The following CRY2 variants were observed in gnomAD, a reference collection of about 807,000 sequenced individuals.
CRY2 encodes cryptochrome circadian regulator 2, also known as cryptochrome-2.
Under a neutral mutation model 69.5 loss-of-function variants are expected in CRY2, and 31 were observed. The observed-to-expected ratio is 0.45, with a 90% CI of 0.34 to 0.60. The LOEUF is 0.60. Among genes scored for constraint, CRY2 ranks in the 20% least tolerant of loss-of-function variants. The probability of loss-of-function intolerance (pLI) is 0.02; values close to 1 mark genes in which losing one functional copy is unlikely to be tolerated. For synonymous variants in CRY2, 303 were observed against 312.2 expected (o/e 0.97, Z 0.31); for missense variants, 606 against 797.8 (o/e 0.76, Z 2.90).
At position 45,882,643 on chromosome 11, in the gene CRY2, G is replaced by T. The variant is rs985942132; in HGVS notation, c.*1732G>T. ...CGTGGGAGGGGAGCAGGGCACAGGGGATGGTGTGCATTCAGAGCATTGGGT... is the reference window on the plus strand; with the variant it reads ...CGTGGGAGGGGAGCAGGGCACAGGGTATGGTGTGCATTCAGAGCATTGGGT... On this transcript the variant is annotated 3_prime_UTR_variant, in exon 12 of 12. Transcript: ENST00000616080. 6.3e-5 allele frequency: 25 copies of T among 399,004 alleles called. No individual in the cohort carries two copies. The highest frequency in any genetic ancestry group is 9.3e-5 in the Non-Finnish European group (21 of 226,138). The allele number at this position is 399,004 out of a possible 1,614,324, so 24.7% of individuals were successfully genotyped here. A position where few individuals can be genotyped will look rare whatever the true frequency, so the allele number is the denominator to read the frequency against.
At chr11:45,877,325 T>C (rs1224869733) in intron 11 of CRY2, among the ~76,000 whole-genome samples, 1 of 152,326 alleles carries the variant, frequency 6.6e-6, no homozygotes, top group Non-Finnish European at 1.5e-5. Context: ...GAGGGAAACA[T>C]TGAGACTCGG....
At chr11:45,855,147 G>A (rs1024915798) in intron 1 of CRY2, among the ~76,000 whole-genome samples, 2 of 152,084 alleles carry the variant, frequency 1.3e-5, no homozygotes, top group African/African-American at 2.4e-5. Context: ...TTGCCTAGCT[G>A]CGGTCTTCCC....
chr11:45,874,328 G>A (rs976196741), intron 11 of CRY2, among the ~76,000 whole-genome samples: 1 of 152,056 alleles, frequency 6.6e-6, no homozygotes, highest in Non-Finnish European at 1.5e-5. Context: ...AAATGTGGGG[G>A]TCTATTAATA....
In CRY2 at chr11:45,868,082, G is replaced by A. The variant is rs2086345738; in HGVS notation, c.882+330G>A. ...AGGGGCGAGGTCCCCAGGGTGAGAG[G>A]CATGGAGAGGGTGAGGCTGGAGCCA... On this transcript the variant is annotated intron_variant, in intron 6 of 11. Coordinates refer to ENST00000616080, the MANE Select transcript of CRY2 (RefSeq NM_021117.5). 1.3e-5 allele frequency: 4 copies of A among 298,948 alleles called. No individual in the cohort carries two copies. In the South Asian group the frequency reaches 2.5e-4, roughly 19 times the overall value. 18.5% of individuals were successfully genotyped at this position (298,948 alleles called of 1,614,324 possible). A position where few individuals can be genotyped will look rare whatever the true frequency, so the allele number is the denominator to read the frequency against.
chr11:45,869,442 C>T, intron 6 of CRY2, 64 bp from the exon 7 acceptor site: 1 of 1,518,068 alleles, frequency 6.6e-7, no homozygotes, highest in Non-Finnish European at 8.9e-7. Flanking sequence ...TAGAAGAGAC[C>T]TGAGAGGCAC....
Position 45,857,164 on chromosome 11 carries a change from A to C in CRY2, c.324+1074A>C, listed in dbSNP as rs575468229. Among the ~76,000 whole-genome samples, 4 of 152,330 alleles carry C rather than the reference A, an allele frequency of 2.6e-5. No individual in the cohort carries two copies. The East Asian group carries it at 7.7e-4, about 29-fold the overall frequency. On this transcript the variant is annotated intron_variant, in intron 2 of 11. Coordinates refer to ENST00000616080, the MANE Select transcript of CRY2 (RefSeq NM_021117.5). ...CACACATAATTGTGCATACATGTACAAATCACACAGTGCTAGTAATTGCCC... is the reference window on the plus strand; with the variant it reads ...CACACATAATTGTGCATACATGTACCAATCACACAGTGCTAGTAATTGCCC...
In CRY2 at chr11:45,867,656, C is replaced by T. The variant is rs868023027; in HGVS notation, c.786C>T (p.Ser262=). ...NYERPRMNAN[S]LLASPTGLSP... ...AGAGACCCCGAATGAACGCCAACTC[C>T]CTCCTGGCCAGCCCCACAGGCCTCA... is the stretch of plus-strand genomic sequence containing the variant. Residue 262 remains serine, a synonymous_variant, in exon 6 of 12, where the codon TCC becomes TCT. Coordinates refer to ENST00000616080, the MANE Select transcript of CRY2 (RefSeq NM_021117.5). 3 of 1,614,220 alleles carry T rather than the reference C, an allele frequency of 1.9e-6. No individual in the cohort carries two copies. The highest frequency in any genetic ancestry group is 2.5e-6 in the Non-Finnish European group (3 of 1,180,036).
At chr11:45,864,817 G>A (rs1434471333) in intron 5 of CRY2, among the ~76,000 whole-genome samples, 3 of 152,192 alleles carry the variant, frequency 2.0e-5, no homozygotes, top group Admixed American at 6.5e-5. Context: ...GCAGTGAGAC[G>A]AGATCATGCC....
chr11:45,847,808 C>T, intron 1 of CRY2, 103 bp downstream of exon 1: 1 of 1,387,296 alleles, frequency 7.2e-7, no homozygotes, highest in Non-Finnish European at 9.6e-7. Context: ...GGCTGGAAGG[C>T]CAGAGGGGAG....
chr11:45,852,672 A>T (rs956550840), intron 1 of CRY2, among the ~76,000 whole-genome samples: 1 of 152,166 alleles, frequency 6.6e-6, no homozygotes, highest in African/African-American at 2.4e-5. Flanking sequence ...GCCAAAGGGG[A>T]GGCAGAAATA....
chr11:45,847,775 C>T, intron 1 of CRY2, 70 bp downstream of exon 1: 1 of 1,466,528 alleles, frequency 6.8e-7, no homozygotes, highest in Non-Finnish European at 9.1e-7. Flanking sequence ...CGGCGAACAG[C>T]ACGATCCCCC....
intron 11 of CRY2, among the ~76,000 whole-genome samples, chr11:45,875,176 G>C (rs1358069542): frequency 6.6e-6 from 1 of 152,208 alleles, no homozygotes; most frequent in African/African-American, 2.4e-5. Context: ...TGTGGATACT[G>C]GTAGACAGCT....
intron 6 of CRY2, among the ~76,000 whole-genome samples, chr11:45,868,419 C>T (rs1352336957): frequency 6.6e-6 from 1 of 152,186 alleles, no homozygotes; most frequent in Non-Finnish European, 1.5e-5. Context: ...CTGATCACAG[C>T]TCACTGAAAC....
chr11:45,853,340 G>A (rs550403456), intron 1 of CRY2, among the ~76,000 whole-genome samples: 1 of 152,174 alleles, frequency 6.6e-6, no homozygotes, highest in Admixed American at 6.5e-5. Context: ...GTTCAGAGTT[G>A]GGCCTTCTAC....
At chr11:45,861,534 CG>C (rs1456129632) in intron 4 of CRY2, 1 of 166,508 alleles carries the variant, frequency 6.0e-6, no homozygotes, top group African/African-American at 2.4e-5. Context: ...CTCCACCTCC[CG>C]GGTTCAAGCA....
At chr11:45,873,322 G>A (rs1187254248) in intron 11 of CRY2, among the ~76,000 whole-genome samples, 1 of 152,124 alleles carries the variant, frequency 6.6e-6, no homozygotes, top group African/African-American at 2.4e-5. Context: ...TGAGTGTCTG[G>A]ATTTGTGTGC....
chr11:45,874,256 G>A (rs1471380441), intron 11 of CRY2, among the ~76,000 whole-genome samples: 1 of 152,012 alleles, frequency 6.6e-6, no homozygotes, highest in Non-Finnish European at 1.5e-5. Flanking sequence ...CTCCAGCCTG[G>A]GTGACAAGAG....
intron 3 of CRY2, among the ~76,000 whole-genome samples, chr11:45,860,455 G>A (rs1395181837): frequency 6.6e-6 from 1 of 151,850 alleles, no homozygotes; most frequent in African/African-American, 2.4e-5. Flanking sequence ...TTACATGGGT[G>A]GTAGAGGCCT....
chr11:45,851,648 A>T (rs2086199905), intron 1 of CRY2, among the ~76,000 whole-genome samples: 1 of 152,190 alleles, frequency 6.6e-6, no homozygotes, highest in East Asian at 1.9e-4. Flanking sequence ...ATATATTTTT[A>T]AAATAATAAG....
Sources: gnomAD v4.1 joint callset for allele counts (sites outside exome capture counted in the v4.1 genomes callset) on GRCh38, gnomAD v4.1.1 for gene constraint, MANE v1.5 for transcripts, NCBI Gene and HGNC (gene_info 2026-07-23, HGNC 2026-07-21) for gene names.